Variants in TRPC5 observed in about 807,000 individuals in gnomAD.
The protein encoded by TRPC5 is transient receptor potential cation channel subfamily C member 5, also known as short transient receptor potential channel 5.
Under a neutral mutation model 56.5 loss-of-function variants are expected in TRPC5, and 9 were observed. The ratio of observed to expected loss-of-function variants is 0.16; its 90% confidence interval spans 0.10 to 0.28. TRPC5 has a LOEUF of 0.28. TRPC5 is among the 10% of genes least tolerant of loss of function. The pLI is 1.00. For synonymous variants in TRPC5, 282 were observed against 278.5 expected, an observed-to-expected ratio of 1.01 and a Z score of -0.13; for missense variants, 469 against 748.9, an observed-to-expected ratio of 0.63 and a Z score of 4.36.
chrX:111,917,017 C>T (rs1354624102), intron 2 of TRPC5, among the ~76,000 whole-genome samples: 1 of 112,976 alleles, frequency 8.9e-6, no homozygotes, highest in East Asian at 2.8e-4. Context: ...CGGGGAACCA[C>T]TGAGGGTTTT....
rs768679633 is a variant in TRPC5, at chrX:111,786,760, G to A, written c.1897-4622C>T. Among the ~76,000 whole-genome samples the A allele has an allele frequency of 3.6e-5, 4 of 111,085 alleles. No homozygotes were observed. The South Asian group carries it at 1.5e-3, about 43-fold the overall frequency. On this transcript the variant is annotated intron_variant, in intron 7 of 10. Coordinates refer to ENST00000262839, the MANE Select transcript of TRPC5 (RefSeq NM_012471.3). ...GGAAAGCAAAAAAAAAGCAGGGGTTGCAATCCTAGTCTCTGATAAAAGAGA... is the reference window on the plus strand; with the variant it reads ...GGAAAGCAAAAAAAAAGCAGGGGTTACAATCCTAGTCTCTGATAAAAGAGA...
intron 7 of TRPC5, among the ~76,000 whole-genome samples, chrX:111,800,746 T>TC (rs201221130): frequency 0.06 from 5,776 of 96,969 alleles, 389 homozygotes; most frequent in African/African-American, 0.28. Context: ...AGAGTGAGAC[T>TC]CCATCTCAAA....
At chrX:111,814,871 T>G (rs1349302232) in intron 7 of TRPC5, among the ~76,000 whole-genome samples, 1 of 110,703 alleles carries the variant, frequency 9.0e-6, no homozygotes, top group Non-Finnish European at 1.9e-5. Context: ...CAAACTCAGG[T>G]GCTACACTTC....
intron 7 of TRPC5, among the ~76,000 whole-genome samples, chrX:111,804,858 T>C (rs144059700): frequency 0.023 from 2,569 of 111,949 alleles, 62 homozygotes; most frequent in African/African-American, 0.079. Flanking sequence ...TCTTGCCTGA[T>C]TTCCCTGGCC....
chrX:111,864,088 G>A (rs766888477), intron 3 of TRPC5, among the ~76,000 whole-genome samples: 59 of 111,026 alleles, frequency 5.3e-4, no homozygotes, highest in African/African-American at 1.7e-3. Flanking sequence ...CCAGGTTCAC[G>A]CCATTCTCCT....
At chrX:111,968,088 C>T (rs1414327088) in intron 1 of TRPC5, among the ~76,000 whole-genome samples, 1 of 109,223 alleles carries the variant, frequency 9.2e-6, no homozygotes, top group East Asian at 2.8e-4. Flanking sequence ...ACAAAGGGCT[C>T]ATATCCAGAA....
chrX:111,969,351 C>T (rs1425578996), intron 1 of TRPC5, among the ~76,000 whole-genome samples: 3 of 112,231 alleles, frequency 2.7e-5, no homozygotes, highest in Non-Finnish European at 5.6e-5. Context: ...GCAACATTCA[C>T]TTTATTGCAG....
At chrX:111,917,717 G>A (rs1471155697) in intron 2 of TRPC5, among the ~76,000 whole-genome samples, 2 of 112,288 alleles carry the variant, frequency 1.8e-5, no homozygotes, top group African/African-American at 6.5e-5. Context: ...GCCTGCCCTT[G>A]TTTCCTCACA....
At chrX:111,853,706 T>C in intron 4 of TRPC5, 64 bp downstream of exon 4, 1 of 1,088,928 alleles carries the variant, frequency 9.2e-7, no homozygotes, top group Non-Finnish European at 1.3e-6. Flanking sequence ...CTGCCTGTTC[T>C]AGTAGTTTAT....
intron 1 of TRPC5, among the ~76,000 whole-genome samples, chrX:111,965,344 A>T (rs1328719258): frequency 8.9e-6 from 1 of 111,995 alleles, no homozygotes; most frequent in Non-Finnish European, 1.9e-5. Context: ...GTGACCAACA[A>T]AGAGACTTAG....
chrX:111,847,921 A>G (rs1922978988), intron 5 of TRPC5, among the ~76,000 whole-genome samples: 1 of 110,430 alleles, frequency 9.1e-6, no homozygotes, highest in Admixed American at 9.6e-5. Flanking sequence ...GAGTAGACGC[A>G]GCCTTCTCGG....
chrX:111,842,178 C>A (rs1922777594), intron 6 of TRPC5, among the ~76,000 whole-genome samples: 1 of 94,797 alleles, frequency 1.1e-5, no homozygotes, highest in African/African-American at 5.0e-5. Context: ...CGCTCTGTTG[C>A]CCAGGCTGGA....
chrX:111,992,038 G>T (rs1928368650), intron 1 of TRPC5, among the ~76,000 whole-genome samples: 1 of 112,354 alleles, frequency 8.9e-6, no homozygotes, highest in Non-Finnish European at 1.9e-5. Flanking sequence ...TCAGCACTGA[G>T]AATCACAAGT....
chrX:111,917,125 G>T (rs1040784369), intron 2 of TRPC5, among the ~76,000 whole-genome samples: 6 of 112,172 alleles, frequency 5.3e-5, no homozygotes, highest in Non-Finnish European at 9.4e-5. Flanking sequence ...CTCTCCACAG[G>T]GGAGGAAAAA....
At chrX:111,802,764 A>C (rs1472883855) in intron 7 of TRPC5, among the ~76,000 whole-genome samples, 2 of 112,119 alleles carry the variant, frequency 1.8e-5, no homozygotes, top group Admixed American at 9.5e-5. Flanking sequence ...AAAAGACAAC[A>C]TTAGAAGAAC....
At chrX:111,853,613 A>C (rs1569526595) in intron 4 of TRPC5, among the ~76,000 whole-genome samples, 157 bp downstream of exon 4, 3 of 111,734 alleles carry the variant, frequency 2.7e-5, no homozygotes, top group Admixed American at 9.5e-5. Flanking sequence ...GACAGAAGGA[A>C]CTACATTTCT....
At chrX:111,875,676 A>G (rs1923914513) in intron 3 of TRPC5, among the ~76,000 whole-genome samples, 1 of 102,485 alleles carries the variant, frequency 9.8e-6, no homozygotes, top group African/African-American at 3.6e-5. Context: ...TTTCTTAAAG[A>G]TTGCAGTTTA....
At chrX:111,912,875 G>A (rs1369054236) in intron 2 of TRPC5, 63 bp from the exon 3 acceptor site, 33 of 1,088,239 alleles carry the variant, frequency 3.0e-5, no homozygotes, top group Non-Finnish European at 3.4e-5. Flanking sequence ...GAAGCATAGG[G>A]CCTATAAAAT....
intron 1 of TRPC5, among the ~76,000 whole-genome samples, chrX:111,957,524 C>G (rs1016677084): frequency 2.7e-5 from 3 of 111,689 alleles, no homozygotes; most frequent in African/African-American, 9.8e-5. Flanking sequence ...GAACCTGAAG[C>G]ACAGAGAGGT....
Sources: gnomAD v4.1 joint callset for allele counts (sites outside exome capture counted in the v4.1 genomes callset) on GRCh38, gnomAD v4.1.1 for gene constraint, MANE v1.5 for transcripts, NCBI Gene and HGNC (gene_info 2026-07-23, HGNC 2026-07-21) for gene names.